Variants in DGKB observed in about 807,000 individuals in gnomAD.
DGKB encodes the protein 90 kDa diacylglycerol kinase.
DGKB carries 67 observed loss-of-function variants against 114.3 expected under a neutral mutation model. That is an observed-to-expected ratio of 0.59 (90% CI 0.48 to 0.72). The LOEUF (loss-of-function observed/expected upper bound fraction) is 0.72, where lower values mean the gene tolerates loss of function less well. DGKB is among the 30% of genes least tolerant of loss of function. The pLI is 0.00. For missense variants in DGKB, 907 were observed against 975.2 expected (o/e 0.93, Z 0.93); for synonymous variants, 398 against 323.1 (o/e 1.23, Z -2.49).
intron 13 of DGKB, among the ~76,000 whole-genome samples, chr7:14,668,333 T>C (rs1818388881): frequency 1.3e-5 from 2 of 152,070 alleles, no homozygotes; most frequent in African/African-American, 4.8e-5. Context: ...CTTAGGTTTC[T>C]AGTTTGGGAA....
chr7:14,733,975 T>C (rs1406058712), intron 5 of DGKB, among the ~76,000 whole-genome samples: 1 of 152,092 alleles, frequency 6.6e-6, no homozygotes. Flanking sequence ...TCTTGCATTT[T>C]TATTTATCAG....
At chr7:14,556,914 C>T (rs1217802185) in intron 20 of DGKB, among the ~76,000 whole-genome samples, 1 of 152,164 alleles carries the variant, frequency 6.6e-6, no homozygotes. Flanking sequence ...ACTACTTGTG[C>T]TCTTAAGAGT....
chr7:14,207,183 G>A (rs1786967053), intron 23 of DGKB, among the ~76,000 whole-genome samples: 1 of 152,006 alleles, frequency 6.6e-6, no homozygotes, highest in Non-Finnish European at 1.5e-5. Flanking sequence ...AGGTCAACAT[G>A]TGATCCATCA....
In DGKB at chr7:14,539,599, C is replaced by T. The variant is rs150658294; in HGVS notation, c.1770+34613G>A. On this transcript the variant is annotated intron_variant, in intron 20 of 25. Transcript: ENST00000402815. ...AAGTTAAGCAAGGGTTTTTAAAAAT[C>T]TCATTTGTAATTTCAAATCTTACAT... 1.5e-3 allele frequency among the ~76,000 whole-genome samples: 225 copies of T among 152,162 alleles called. 1 individual carries two copies. The Middle Eastern group carries it at 0.02, about 14-fold the overall frequency.
In DGKB at chr7:14,590,642, G is replaced by C. The variant is rs35200908; in HGVS notation, c.1434-7505C>G. Among the ~76,000 whole-genome samples the C allele has an allele frequency of 2.9e-3, 439 of 152,124 alleles. 13 individuals carry two copies. The highest frequency in any genetic ancestry group is 0.024 in the Admixed American group (373 of 15,252). On this transcript the variant is annotated intron_variant, in intron 17 of 25. Transcript: ENST00000402815. ...CATTCAATCCATGCAGTTTTCCCTAGAAACTCATTCATTCCTTACTACATT... is the reference window on the plus strand; with the variant it reads ...CATTCAATCCATGCAGTTTTCCCTACAAACTCATTCATTCCTTACTACATT...
At chr7:14,674,549 G>A (rs1819535929) in intron 12 of DGKB, among the ~76,000 whole-genome samples, 1 of 152,108 alleles carries the variant, frequency 6.6e-6, no homozygotes, top group African/African-American at 2.4e-5. Context: ...TCTCCCAAAA[G>A]ATATGCTGAA....
intron 20 of DGKB, among the ~76,000 whole-genome samples, chr7:14,570,924 G>A (rs559364851): frequency 3.3e-5 from 5 of 152,104 alleles, no homozygotes; most frequent in Admixed American, 6.6e-5. Flanking sequence ...TTACAACCTC[G>A]ACACTATTGA....
chr7:14,522,296 C>T (rs958929408), intron 20 of DGKB, among the ~76,000 whole-genome samples: 15 of 152,120 alleles, frequency 9.9e-5, no homozygotes, highest in African/African-American at 3.6e-4. Context: ...GTGTGGGTAG[C>T]TTGGGCCTGT....
rs1798802500 is a variant in DGKB, at chr7:14,574,315, A to C, written c.1667T>G (p.Ile556Ser). 1 of 1,613,292 alleles carries C rather than the reference A, an allele frequency of 6.2e-7. No homozygotes were observed. Among genetic ancestry groups the C allele is most frequent in the Non-Finnish European group, 8.5e-7 (1 of 1,179,610 alleles). The change falls in exon 20 of 26, where the codon ATC becomes AGC. Residue 556 changes from isoleucine to serine, a missense_variant. By Grantham distance (142) the Ile-to-Ser change is moderately radical. This residue lies in a region of DGKB where 814 missense variants were observed against 856.6 expected (regional missense o/e 0.95). Transcript: ENST00000402815. The stretch of plus-strand genomic sequence containing the variant: ...TTCAAACTTCCACCTGTCCAACATG[A>C]TTTCTGTGCTGTTTTCAATGTCTTT... ...ILKDIENSTE[I>S]MLDRWKFEVI...
At chr7:14,704,367 G>A (rs536324956) in intron 6 of DGKB, among the ~76,000 whole-genome samples, 265 of 146,700 alleles carry the variant, frequency 1.8e-3, no homozygotes, top group African/African-American at 6.0e-3. Flanking sequence ...AGAATGGCGC[G>A]AACCAGGGAG....
At position 14,482,953 on chromosome 7, in the gene DGKB, TTAA is replaced by T. The variant is rs1450340196; in HGVS notation, c.1771-4731_1771-4729del. 3.3e-5 allele frequency among the ~76,000 whole-genome samples: 5 copies of T among 152,322 alleles called. No homozygotes were observed. In the East Asian group the frequency reaches 9.6e-4, roughly 29 times the overall value. On this transcript the variant is annotated intron_variant, in intron 20 of 25. Coordinates refer to ENST00000402815, the MANE Select transcript of DGKB (RefSeq NM_001350709.2). ...TTTTCTTCTTTATGCTGCAGAATAG[TTAA>T]TAATGCATGGGAATTATTTGTTCTT...
At chr7:14,568,029 T>C (rs974374435) in intron 20 of DGKB, among the ~76,000 whole-genome samples, 2 of 152,116 alleles carry the variant, frequency 1.3e-5, no homozygotes, top group African/African-American at 4.8e-5. Context: ...ACTAATGGGG[T>C]AGAAAGTTTT....
intron 1 of DGKB, among the ~76,000 whole-genome samples, chr7:14,860,830 A>G (rs1326043083): frequency 6.6e-6 from 1 of 151,914 alleles, no homozygotes; most frequent in Non-Finnish European, 1.5e-5. Flanking sequence ...GCAAAACTGT[A>G]TAAATATGGA....
chr7:14,674,153 A>T (rs1333896549), intron 12 of DGKB, among the ~76,000 whole-genome samples: 1 of 151,788 alleles, frequency 6.6e-6, no homozygotes, highest in African/African-American at 2.4e-5. Flanking sequence ...AGTTAAGATG[A>T]CTTGTACTGT....
chr7:14,411,884 A>G lies in DGKB; in HGVS notation c.1835+66277T>C, dbSNP rs527591596. ...GCATTGGTTTAATACATTATGTCAT[A>G]TTAATATAGTAGAATAATATGTGAC... is the stretch of plus-strand genomic sequence containing the variant. On this transcript the variant is annotated intron_variant, in intron 21 of 25. Transcript: ENST00000402815. 1.3e-3 allele frequency among the ~76,000 whole-genome samples: 191 copies of G among 152,340 alleles called. 1 individual carries two copies. The highest frequency in any genetic ancestry group is 4.4e-3 in the African/African-American group (184 of 41,584).
rs1807730722 is a variant in DGKB, at chr7:14,621,947, A to G, written c.1168-453T>C. 2.6e-5 allele frequency among the ~76,000 whole-genome samples: 4 copies of G among 152,236 alleles called. No homozygotes were observed. In the South Asian group the frequency reaches 8.3e-4, roughly 32 times the overall value. On this transcript the variant is annotated intron_variant, in intron 14 of 25. Coordinates refer to ENST00000402815, the MANE Select transcript of DGKB (RefSeq NM_001350709.2). ...AGCTACTATTTATATCAAAAATAGCATATATCTTAAAACTGACATTCCATC... is the reference window on the plus strand; with the variant it reads ...AGCTACTATTTATATCAAAAATAGCGTATATCTTAAAACTGACATTCCATC...
chr7:14,564,118 T>C (rs1797057926), intron 20 of DGKB, among the ~76,000 whole-genome samples: 1 of 152,164 alleles, frequency 6.6e-6, no homozygotes, highest in Non-Finnish European at 1.5e-5. Flanking sequence ...CTGAAAATTT[T>C]TGTCTGCTTG....
intron 5 of DGKB, among the ~76,000 whole-genome samples, chr7:14,730,361 C>T (rs1356637154): frequency 6.6e-6 from 1 of 152,150 alleles, no homozygotes; most frequent in Non-Finnish European, 1.5e-5. Flanking sequence ...GCCAGGGTTT[C>T]TTCCCAGTTG....
intron 5 of DGKB, among the ~76,000 whole-genome samples, chr7:14,734,070 C>G (rs946456078): frequency 6.6e-6 from 1 of 151,562 alleles, no homozygotes; most frequent in Non-Finnish European, 1.5e-5. Flanking sequence ...GAGTCTCGCT[C>G]TGTTGCCAGC....
Sources: allele counts gnomAD v4.1 joint callset (sites outside exome capture counted in the v4.1 genomes callset), GRCh38; gene constraint gnomAD v4.1.1; regional missense constraint gnomAD v4.1.1; transcripts MANE v1.5; gene names NCBI Gene and HGNC (gene_info 2026-07-23, HGNC 2026-07-21).